Variants in SPNS1 observed in about 807,000 individuals in gnomAD.
The protein encoded by SPNS1 is SPNS lysolipid transporter 1, lysophospholipid.
Under a neutral mutation model 50.3 loss-of-function variants are expected in SPNS1, and 22 were observed. The ratio of observed to expected loss-of-function variants is 0.44; its 90% CI spans 0.31 to 0.62. The LOEUF is 0.62. Among genes scored for constraint, SPNS1 ranks in the 20% least tolerant of loss-of-function variants. The probability of loss-of-function intolerance (pLI) is 0.07; values close to 1 mark genes in which losing one functional copy is unlikely to be tolerated. For synonymous variants in SPNS1, 295 were observed against 317.4 expected (o/e 0.93, Z 0.75); for missense variants, 576 against 728.6 (o/e 0.79, Z 2.41).
At position 28,983,222 on chromosome 16, in the gene SPNS1, G is replaced by A. The variant is rs370326654; in HGVS notation, c.1252G>A (p.Ala418Thr). The A allele has an allele frequency of 6.2e-7, 1 of 1,613,886 alleles. No homozygotes were observed. ...YVVIPTRRST[A>T]EAFQIVLSHL... ...GGTGATCCCTACCCGACGCTCCACC[G>A]CCGAGGCCTTCCAGATCGTGCTGTC... The change falls in exon 10 of 12, where the codon GCC becomes ACC. Residue 418 changes from alanine (A) to threonine (T), a missense_variant. Coordinates refer to ENST00000311008, the MANE Select transcript of SPNS1 (RefSeq NM_032038.3). The surrounding 1 kb of genome is among the most constrained non-coding windows in gnomAD (Gnocchi z 5.4).
At position 28,983,016 on chromosome 16, in the gene SPNS1, C is replaced by T; in HGVS notation, c.1221+94C>T. Reference sequence around the variant, plus strand: ...GCCTCTACCCCTCAAAGCCCAGCCTCAACCTACCTTCTGCAATAAATAACA... The same window carrying T: ...GCCTCTACCCCTCAAAGCCCAGCCTTAACCTACCTTCTGCAATAAATAACA... On this transcript the variant is annotated intron_variant, in intron 9 of 11. Coordinates refer to ENST00000311008, the MANE Select transcript of SPNS1 (RefSeq NM_032038.3). The surrounding 1 kb of genome is among the most constrained non-coding windows in gnomAD (Gnocchi z 5.4). The T allele has an allele frequency of 7.1e-7, 1 of 1,413,642 alleles. No homozygotes were observed. The highest frequency in any genetic ancestry group is 1.0e-6 in the Non-Finnish European group (1 of 1,003,790). 87.6% of individuals were successfully genotyped at this position (1,413,642 alleles called of 1,614,324 possible).
chr16:28,979,405 T>G lies in SPNS1; in HGVS notation c.597T>G (p.Ser199Arg). 1.9e-6 allele frequency: 3 copies of G among 1,613,940 alleles called. No homozygotes were observed. The highest frequency in any genetic ancestry group is 2.5e-6 in the Non-Finnish European group (3 of 1,179,978). Residue 199 changes from serine (S) to arginine (R), a missense_variant and splice_region_variant, in exon 5 of 12, where the codon AGT (serine) becomes AGG (arginine). Physicochemically the swap from Ser to Arg is moderately radical, Grantham distance 110. Transcript: ENST00000311008. ...SIFYFAIPVG[S>R]GLGYIAGSKV... is the part of the protein sequence containing the mutation. ...TTTTTCCCCTCTCTCCCTCCCACAG[T>G]GGTCTGGGCTACATTGCAGGCTCCA...
At chr16:28,984,735 C>G, downstream of SPNS1, 1 of 847,592 alleles carries the variant, frequency 1.2e-6, no homozygotes, top group African/African-American at 1.7e-5. Context: ...TGAGTCACGC[C>G]CCTGCTTCCC....
intron 8 of SPNS1, 131 bp from the exon 9 acceptor site, chr16:28,982,726 G>A: frequency 8.1e-7 from 1 of 1,231,624 alleles, no homozygotes; most frequent in Non-Finnish European, 1.2e-6. Flanking sequence ...TGTAAAATGG[G>A]GATATTAGTA....
In SPNS1 at chr16:28,979,254, G is replaced by A. The variant is rs376010834; in HGVS notation, c.544G>A (p.Asp182Asn). ...PTLIADLFVADQRSRMLSIFY... is the reference protein window; with the variant it reads ...PTLIADLFVANQRSRMLSIFY... ...TCTCATTGCCGACCTCTTTGTGGCC[G>A]ACCAGCGGAGCCGGATGCTCAGCAT... Residue 182 changes from aspartate (D) to asparagine (N), a missense_variant, in exon 4 of 12, where the codon GAC becomes AAC. Physicochemically the swap from Asp to Asn is conservative, Grantham distance 23. Coordinates refer to ENST00000311008, the MANE Select transcript of SPNS1 (RefSeq NM_032038.3). 7.4e-6 allele frequency: 12 copies of A among 1,614,184 alleles called. No homozygotes were observed. The highest frequency in any genetic ancestry group is 4.5e-5 in the East Asian group (2 of 44,888).
intron 11 of SPNS1, 100 bp from the exon 12 acceptor site, chr16:28,984,105 T>G (rs1040491499): frequency 6.9e-7 from 1 of 1,443,140 alleles, no homozygotes; most frequent in African/African-American, 1.4e-5. Context: ...CTGGGGTGGC[T>G]CTGTGGCTGC....
intron 7 of SPNS1, 27 bp from the exon 8 acceptor site, chr16:28,982,329 C>T: frequency 1.8e-6 from 1 of 569,976 alleles, no homozygotes. Context: ...CAGGGACAAA[C>T]CCCCCATTCC....
intron 11 of SPNS1, 31 bp from the exon 12 acceptor site, chr16:28,984,174 G>A: frequency 6.5e-7 from 1 of 1,533,714 alleles, no homozygotes; most frequent in South Asian, 1.3e-5. Flanking sequence ...TGTCCATCCA[G>A]CTCACCCTGG....
Position 28,975,236 on chromosome 16 carries a change from G to T in SPNS1, c.85G>T (p.Gly29Trp). ...AGTGCCTGGCACCCCGGGGTTGCCA[G>T]GGTCCACGGGGAACCCGAAGTCCGA... ...GPVPGTPGLPGSTGNPKSEEP... is the reference protein window; with the variant it reads ...GPVPGTPGLPWSTGNPKSEEP... The change falls in exon 1 of 12, where the codon GGG (glycine) becomes TGG (tryptophan). Residue 29 changes from glycine (G) to tryptophan (W), a missense_variant. By Grantham distance (184) the Gly-to-Trp change is radical (BLOSUM62 -2). Coordinates refer to ENST00000311008, the MANE Select transcript of SPNS1 (RefSeq NM_032038.3). 1 of 1,526,598 alleles carries T rather than the reference G, an allele frequency of 6.6e-7. No homozygotes were observed. Among genetic ancestry groups the T allele is most frequent in the Non-Finnish European group, 8.8e-7 (1 of 1,135,012 alleles). 94.6% of individuals were successfully genotyped at this position (1,526,598 alleles called of 1,614,324 possible).
rs928336576 is a variant in SPNS1, at chr16:28,983,976, C to A, written c.1492+19C>A. ...GTGCAGGGTCAGTTAGGAGCTGTGC[C>A]CGGCCCAGCTTCTTGATCTGCCTGT... is the stretch of plus-strand genomic sequence containing the variant. On this transcript the variant is annotated intron_variant, in intron 11 of 11. Coordinates refer to ENST00000311008, the MANE Select transcript of SPNS1 (RefSeq NM_032038.3). This position sits in a 1 kb window ranked among gnomAD's most constrained non-coding sequence, Gnocchi z 5.4. 7 of 1,538,120 alleles carry A rather than the reference C, an allele frequency of 4.6e-6. No individual in the cohort carries two copies. Among genetic ancestry groups the A allele is most frequent in the African/African-American group, 1.4e-5 (1 of 72,866 alleles).
chr16:28,982,248 G>A (rs1965578591), intron 7 of SPNS1, 108 bp from the exon 8 acceptor site: 2 of 1,385,946 alleles, frequency 1.4e-6, no homozygotes, highest in Non-Finnish European at 2.0e-6. Context: ...GCCAACCATG[G>A]GGTGCTGTGT....
chr16:28,975,159 G>A lies in SPNS1; in HGVS notation c.8G>A (p.Gly3Glu), dbSNP rs1323765425. 2.7e-6 allele frequency: 4 copies of A among 1,487,832 alleles called. No individual in the cohort carries two copies. The African/African-American group carries it at 4.2e-5, about 16-fold the overall frequency. 92.2% of individuals were successfully genotyped at this position (1,487,832 alleles called of 1,614,324 possible). The part of the protein sequence containing the change: MA[G>E]SDTAPFLSQA... The stretch of plus-strand genomic sequence containing the variant: ...GCGCGGCCCCCCGGGACCATGGCCG[G>A]GTCCGACACCGCGCCCTTCCTCAGC... Residue 3 changes from glycine (G) to glutamate (E), a missense_variant, in exon 1 of 12, where the codon GGG becomes GAG. Coordinates refer to ENST00000311008, the MANE Select transcript of SPNS1 (RefSeq NM_032038.3).
In SPNS1 at chr16:28,984,356, C is replaced by A. The variant is rs756012730; in HGVS notation, c.*57C>A. On this transcript the variant is annotated 3_prime_UTR_variant, in exon 12 of 12. Transcript: ENST00000311008. The stretch of plus-strand genomic sequence containing the variant: ...CACAGCTGGCCCTGGGCCCACCCCA[C>A]GAAGGGCCTGGGCCTAACCCCTTGG... The A allele has an allele frequency of 6.5e-7, 1 of 1,544,474 alleles. No homozygotes were observed. The highest frequency in any genetic ancestry group is 1.1e-5 in the South Asian group (1 of 88,116).
In SPNS1 at chr16:28,982,391, TCCTGGGTGTGGG is replaced by T; in HGVS notation, c.1013_1024del (p.Gly338_Val341del). On this transcript the variant is annotated inframe_deletion, in exon 8 of 12. Coordinates refer to ENST00000311008, the MANE Select transcript of SPNS1 (RefSeq NM_032038.3). ...GGACTCATCACCTGCCTGACCGGAGTCCTGGGTGTGGGCCTGGGTGTGGAGATCAGCCGCCGG... is the reference window on the plus strand; with the variant it reads ...GGACTCATCACCTGCCTGACCGGAGTCCTGGGTGTGGAGATCAGCCGCCGG... 1.9e-6 allele frequency: 3 copies of T among 1,606,584 alleles called. No individual in the cohort carries two copies. Among genetic ancestry groups the T allele is most frequent in the South Asian group, 1.1e-5 (1 of 90,416 alleles).
intron 2 of SPNS1, among the ~76,000 whole-genome samples, chr16:28,976,050 T>C (rs146311265): frequency 2.0e-5 from 3 of 152,250 alleles, no homozygotes; most frequent in Non-Finnish European, 4.4e-5. Flanking sequence ...GATGAGTGGA[T>C]CACTTGAAGT....
In SPNS1 at chr16:28,975,010, C is replaced by T; in HGVS notation, c.-142C>T. 6.9e-7 allele frequency: 1 copy of T among 1,442,772 alleles called. No homozygotes were observed. The highest frequency in any genetic ancestry group is 1.4e-5 in the South Asian group (1 of 70,134). The allele number at this position is 1,442,772 out of a possible 1,614,324, so 89.4% of individuals were successfully genotyped here. A position where few individuals can be genotyped will look rare whatever the true frequency, so the allele number is the denominator to read the frequency against. The stretch of plus-strand genomic sequence containing the variant: ...GCCCGGGTCCCTTCTCAGTGGTGCT[C>T]TGTGCTTCAGGGCAAGCTCCCCGTC... On this transcript the variant is annotated 5_prime_UTR_variant, in exon 1 of 12. Coordinates refer to ENST00000311008, the MANE Select transcript of SPNS1 (RefSeq NM_032038.3).
chr16:28,984,157 G>T, intron 11 of SPNS1, 48 bp from the exon 12 acceptor site: 1 of 1,519,426 alleles, frequency 6.6e-7, no homozygotes, highest in Non-Finnish European at 8.9e-7. Context: ...CTCTGGCTTT[G>T]TCTGTCTGTC....
Position 28,983,804 on chromosome 16 carries a change from C to G in SPNS1, c.1339C>G (p.Arg447Gly). ...CCTGCAGATCTCTGACCGCCTGCGC[C>G]GGAACTGGCCCCCCTCCTTCTTGTC... ...LIGLISDRLR[R>G]NWPPSFLSEF... The change falls in exon 11 of 12, where the codon CGG becomes GGG. Residue 447 changes from arginine to glycine, a missense_variant. Coordinates refer to ENST00000311008, the MANE Select transcript of SPNS1 (RefSeq NM_032038.3). This position sits in a 1 kb window ranked among gnomAD's most constrained non-coding sequence, Gnocchi z 5.4. The G allele has an allele frequency of 6.3e-7, 1 of 1,596,850 alleles. No homozygotes were observed. Among genetic ancestry groups the G allele is most frequent in the Non-Finnish European group, 8.5e-7 (1 of 1,173,998 alleles).
At chr16:28,982,958 G>C in intron 9 of SPNS1, 36 bp downstream of exon 9, 1 of 1,610,560 alleles carries the variant, frequency 6.2e-7, no homozygotes, top group South Asian at 1.1e-5. Flanking sequence ...CAGCGCAGAG[G>C]CTGATGAGAG....
Sources: allele counts gnomAD v4.1 joint callset (sites outside exome capture counted in the v4.1 genomes callset), GRCh38; gene constraint gnomAD v4.1.1; non-coding constraint Gnocchi (gnomAD v3.1); transcripts MANE v1.5; gene names NCBI Gene and HGNC (gene_info 2026-07-23, HGNC 2026-07-21).